Variants in RYR3 observed in about 807,000 individuals in gnomAD.
RYR3 encodes the protein brain ryanodine receptor-calcium release channel.
A neutral mutation model predicts 584.3 loss-of-function variants in RYR3; 207 were observed. The ratio of observed to expected loss-of-function variants is 0.35; its 90% CI spans 0.32 to 0.40. The LOEUF is 0.40. Among genes scored for constraint, RYR3 ranks in the 10% least tolerant of loss-of-function variants. The probability of loss-of-function intolerance (pLI) is 1.00; values close to 1 mark genes in which losing one functional copy is unlikely to be tolerated. For synonymous variants in RYR3, 2,416 were observed against 2,248.5 expected (o/e 1.07, Z -2.11); for missense variants, 5,616 against 6,089.2 (o/e 0.92, Z 2.59).
At position 33,539,475 on chromosome 15, in the gene RYR3, T is replaced by C. The variant is rs761304818; in HGVS notation, c.546+13T>C. 2.0e-6 allele frequency: 3 copies of C among 1,499,470 alleles called. No individual in the cohort carries two copies. The East Asian group carries it at 7.0e-5, about 35-fold the overall frequency. The allele number at this position is 1,499,470 out of a possible 1,614,324, so 92.9% of individuals were successfully genotyped here. ...TGAAAGATACCTTGTAAGTACCTCA[T>C]AATATAAGAGTCTTCTGTTTTCAGA... On this transcript the variant is annotated intron_variant, in intron 6 of 103. Transcript: ENST00000634891.
chr15:33,805,591 C>T (rs902576257), intron 69 of RYR3, among the ~76,000 whole-genome samples: 1 of 151,936 alleles, frequency 6.6e-6, no homozygotes, highest in Non-Finnish European at 1.5e-5. Context: ...CATTCTCCTG[C>T]CTCAGCCTCC....
chr15:33,863,110 G>C (rs965893480), intron 102 of RYR3, among the ~76,000 whole-genome samples: 1 of 152,104 alleles, frequency 6.6e-6, no homozygotes. Flanking sequence ...CCTTCCCATG[G>C]CACTGTTACA....
intron 1 of RYR3, among the ~76,000 whole-genome samples, chr15:33,422,910 G>A (rs2044340366): frequency 6.6e-6 from 1 of 152,144 alleles, no homozygotes; most frequent in South Asian, 2.1e-4. Context: ...GACAAGACAA[G>A]GTTGCATTTA....
chr15:33,628,641 C>A, intron 21 of RYR3, 66 bp downstream of exon 21: 1 of 974,618 alleles, frequency 1.0e-6, no homozygotes, highest in Non-Finnish European at 1.7e-6. Flanking sequence ...ACTGTTCTTC[C>A]TGCTGCATGC....
intron 42 of RYR3, among the ~76,000 whole-genome samples, chr15:33,705,576 T>G (rs1453623612): frequency 6.6e-6 from 1 of 152,262 alleles, no homozygotes; most frequent in Admixed American, 6.5e-5. Flanking sequence ...CCAGGCTTTT[T>G]GCCTGAAAGC....
intron 2 of RYR3, among the ~76,000 whole-genome samples, chr15:33,482,579 C>G (rs756694219): frequency 1.3e-5 from 2 of 152,098 alleles, no homozygotes; most frequent in Non-Finnish European, 2.9e-5. Context: ...GCCACCATGC[C>G]TGGCTAATTT....
intron 1 of RYR3, among the ~76,000 whole-genome samples, chr15:33,409,890 G>A (rs1223866166): frequency 6.6e-6 from 1 of 152,124 alleles, no homozygotes; most frequent in Non-Finnish European, 1.5e-5. Context: ...TTCTCCTTTA[G>A]GCCTGGATTA....
intron 1 of RYR3, among the ~76,000 whole-genome samples, chr15:33,359,540 T>A (rs1974453408): frequency 6.6e-6 from 1 of 152,224 alleles, no homozygotes; most frequent in African/African-American, 2.4e-5. Flanking sequence ...GCCTTTCACT[T>A]CACTGAGGTT....
chr15:33,553,891 G>C (rs1485659798), intron 10 of RYR3, among the ~76,000 whole-genome samples: 4 of 152,166 alleles, frequency 2.6e-5, no homozygotes, highest in Admixed American at 2.6e-4. Context: ...ACTGCTGCCT[G>C]CCCTTCCATT....
Position 33,838,959 on chromosome 15 carries a change from G to A in RYR3, c.12978+1G>A. On this transcript the variant is annotated splice_donor_variant, in intron 89 of 103. Coordinates refer to ENST00000634891, the MANE Select transcript of RYR3 (RefSeq NM_001036.6). LOFTEE classifies it high-confidence loss of function. ...TGTACAGAAGAAGAGGAAAGCTCAG[G>A]TAAGTGTCATTTGTTTCTTTCATCT... The A allele has an allele frequency of 1.3e-6, 2 of 1,599,780 alleles. No homozygotes were observed. The highest frequency in any genetic ancestry group is 1.7e-6 in the Non-Finnish European group (2 of 1,174,284).
At chr15:33,336,783 G>A (rs1225316637) in intron 1 of RYR3, among the ~76,000 whole-genome samples, 4 of 151,934 alleles carry the variant, frequency 2.6e-5, no homozygotes, top group African/African-American at 4.8e-5. Flanking sequence ...CTGGCCGGGC[G>A]TGGTGGCTCA....
At chr15:33,416,146 T>C (rs903443800) in intron 1 of RYR3, among the ~76,000 whole-genome samples, 16 of 152,196 alleles carry the variant, frequency 1.1e-4, no homozygotes, top group African/African-American at 3.9e-4. Flanking sequence ...CTCTTGTAAA[T>C]AGTGCTGCAG....
At chr15:33,820,888 C>T in intron 78 of RYR3, 76 bp downstream of exon 78, 1 of 845,504 alleles carries the variant, frequency 1.2e-6, no homozygotes, top group Non-Finnish European at 1.7e-6. Context: ...TGGGTGCTGA[C>T]ATTAGCCTAT....
At chr15:33,487,209 A>AAAC (rs1322541472) in intron 2 of RYR3, among the ~76,000 whole-genome samples, 1 of 151,478 alleles carries the variant, frequency 6.6e-6, no homozygotes, top group African/African-American at 2.4e-5. Flanking sequence ...AAGAAAAAAA[A>AAAC]AAAAGTGTGA....
At chr15:33,361,231 TTTC>T (rs1432287010) in intron 1 of RYR3, among the ~76,000 whole-genome samples, 22 of 152,310 alleles carry the variant, frequency 1.4e-4, no homozygotes, top group Non-Finnish European at 2.4e-4. Flanking sequence ...AAGACACCCC[TTTC>T]TTTCACATCT....
chr15:33,827,152 C>T, intron 84 of RYR3, 47 bp from the exon 85 acceptor site: 1 of 1,478,792 alleles, frequency 6.8e-7, no homozygotes, highest in Non-Finnish European at 9.3e-7. Flanking sequence ...TGCTTGGCCC[C>T]CTCGGCATGG....
chr15:33,699,922 C>A, intron 41 of RYR3, 89 bp downstream of exon 41: 1 of 1,285,710 alleles, frequency 7.8e-7, no homozygotes, highest in Non-Finnish European at 1.1e-6. Flanking sequence ...GGAAAGGAGC[C>A]ACATGCACGC....
intron 94 of RYR3, chr15:33,852,764 TAATCTGTCATCACA>T: frequency 2.9e-6 from 1 of 343,340 alleles, no homozygotes; most frequent in South Asian, 3.5e-5. Flanking sequence ...TGTCTCTGTC[TAATCTGTCATCACA>T]ATTCTTGGCT....
At chr15:33,805,681 G>T (rs1346258244) in intron 69 of RYR3, among the ~76,000 whole-genome samples, 2 of 151,748 alleles carry the variant, frequency 1.3e-5, no homozygotes, top group East Asian at 2.0e-4. Context: ...GTTTCACTGT[G>T]TTAGCCAGGA....
Sources: gnomAD v4.1 joint callset for allele counts (sites outside exome capture counted in the v4.1 genomes callset) on GRCh38, gnomAD v4.1.1 for gene constraint, MANE v1.5 for transcripts, NCBI Gene and HGNC (gene_info 2026-07-23, HGNC 2026-07-21) for gene names.